Variants in NPHP3 observed in about 807,000 individuals in gnomAD.
The protein encoded by NPHP3 is nephrocystin 3, also known as nephrocystin-3.
NPHP3 carries 123 observed loss-of-function variants against 171.9 expected under a neutral mutation model. The observed-to-expected ratio is 0.72, with a 90% CI of 0.62 to 0.83. The LOEUF is 0.83. NPHP3 is among the 40% of genes least tolerant of loss of function. The probability of loss-of-function intolerance (pLI) is 0.00; values close to 1 mark genes in which losing one functional copy is unlikely to be tolerated. For missense variants in NPHP3, 1,506 were observed against 1,591.9 expected, an observed-to-expected ratio of 0.95 and a Z score of 0.92; for synonymous variants, 558 against 579.2, an observed-to-expected ratio of 0.96 and a Z score of 0.52.
At chr3:132,695,706 G>A (rs1355478423) in intron 15 of NPHP3, among the ~76,000 whole-genome samples, 1 of 152,160 alleles carries the variant, frequency 6.6e-6, no homozygotes, top group East Asian at 1.9e-4. Context: ...AGGCTAAGCA[G>A]GTGGATTGCT....
chr3:132,683,357 TA>T, intron 25 of NPHP3, 41 bp downstream of exon 25: 1 of 1,573,572 alleles, frequency 6.4e-7, no homozygotes, highest in Non-Finnish European at 8.7e-7. Flanking sequence ...TTTTATACCA[TA>T]AAATCATTCA....
At position 132,682,685 on chromosome 3, in the gene NPHP3, AGT is replaced by A. The variant is rs771197022; in HGVS notation, c.3812+16_3812+17del. ...CGAATAAAAGAGGCTGTATAAGGAAAGTGAAAAAAATTCTTACCTAAGCACAG... is the reference window on the plus strand; with the variant it reads ...CGAATAAAAGAGGCTGTATAAGGAAAGAAAAAAATTCTTACCTAAGCACAG... On this transcript the variant is annotated intron_variant, in intron 26 of 26. Coordinates refer to ENST00000337331, the MANE Select transcript of NPHP3 (RefSeq NM_153240.5). 4 of 1,404,436 alleles carry A rather than the reference AGT, an allele frequency of 2.8e-6. No individual in the cohort carries two copies. Among genetic ancestry groups the A allele is most frequent in the Admixed American group, 1.7e-5 (1 of 59,776 alleles). The allele number at this position is 1,404,436 out of a possible 1,614,324, so 87.0% of individuals were successfully genotyped here. A position where few individuals can be genotyped will look rare whatever the true frequency, so the allele number is the denominator to read the frequency against.
intron 6 of NPHP3, among the ~76,000 whole-genome samples, chr3:132,712,610 C>T (rs1939942194): frequency 1.3e-5 from 2 of 151,900 alleles, no homozygotes; most frequent in Non-Finnish European, 2.9e-5. Context: ...ACCAAAAATA[C>T]AAAAAATTAG....
At chr3:132,710,835 T>G (rs917111275) in intron 6 of NPHP3, among the ~76,000 whole-genome samples, 1 of 152,110 alleles carries the variant, frequency 6.6e-6, no homozygotes, top group Non-Finnish European at 1.5e-5. Flanking sequence ...CTCCAGTCAG[T>G]AACACCGAGA....
intron 19 of NPHP3, among the ~76,000 whole-genome samples, chr3:132,690,277 T>A (rs1939266102): frequency 6.6e-6 from 1 of 152,196 alleles, no homozygotes; most frequent in African/African-American, 2.4e-5. Context: ...TGCTTAAATG[T>A]AAGCATAAGA....
chr3:132,700,382 CA>C lies in NPHP3; in HGVS notation c.1694del (p.Met565SerfsTer9). 2.5e-6 allele frequency: 4 copies of C among 1,613,614 alleles called. No individual in the cohort carries two copies. Among genetic ancestry groups the C allele is most frequent in the Non-Finnish European group, 3.4e-6 (4 of 1,179,574 alleles). Reference protein sequence around the residue: ...LILSHFVGRPMSTSSESSLII... With the variant: ...LILSHFVGRPXSTSSESSLII... The stretch of plus-strand genomic sequence containing the variant: ...TCAAGGAGGACTCTGAGCTGGTTGA[CA>C]TGGGCCTTCCCACAAAATGGGAAAG... On this transcript the variant is annotated frameshift_variant, in exon 11 of 27. Transcript: ENST00000337331. LOFTEE classifies it high-confidence loss of function.
intron 4 of NPHP3, among the ~76,000 whole-genome samples, chr3:132,715,533 G>A (rs939331261): frequency 1.3e-5 from 2 of 152,134 alleles, no homozygotes; most frequent in Non-Finnish European, 2.9e-5. Flanking sequence ...TTCCCAAGAG[G>A]ATTTATAGCT....
chr3:132,717,151 G>T lies in NPHP3; in HGVS notation c.671-242C>A, dbSNP rs554941921. On this transcript the variant is annotated intron_variant, in intron 3 of 26. Coordinates refer to ENST00000337331, the MANE Select transcript of NPHP3 (RefSeq NM_153240.5). ...AAAAGAGAAAGATGAAAATAAACAA[G>T]AATACAATAAAAAAGAAATCATAAT... 45 of 428,232 alleles carry T rather than the reference G, an allele frequency of 1.1e-4. 1 individual carries two copies. Among genetic ancestry groups the T allele is most frequent in the Middle Eastern group, 6.6e-4 (1 of 1,510 alleles). 26.5% of individuals were successfully genotyped at this position (428,232 alleles called of 1,614,324 possible). A position where few individuals can be genotyped will look rare whatever the true frequency, so the allele number is the denominator to read the frequency against.
chr3:132,711,462 TA>T (rs1295463538), intron 6 of NPHP3, among the ~76,000 whole-genome samples: 1 of 151,680 alleles, frequency 6.6e-6, no homozygotes, highest in Admixed American at 6.6e-5. Flanking sequence ...AAATATGAAA[TA>T]AATGGGGAGG....
rs201741442 is a variant in NPHP3 at position 132,694,896 on chromosome 3, T to C, written c.2241A>G (p.Leu747=). 6.2e-7 allele frequency: 1 copy of C among 1,613,752 alleles called. No individual in the cohort carries two copies. The highest frequency in any genetic ancestry group is 1.1e-5 in the South Asian group (1 of 91,070). The change falls in exon 16 of 27, where the codon TTA becomes TTG. Residue 747 remains leucine (L), a synonymous_variant. Transcript: ENST00000337331. ...QCFQCQDTLS[L]YRLVLHSIRE... ...GGATAGAGTGCAGAACAAGTCTATA[T>C]AATGAAAGAGTATCTTGACACTGGA... is the stretch of plus-strand genomic sequence containing the variant.
intron 6 of NPHP3, among the ~76,000 whole-genome samples, chr3:132,710,646 T>C (rs1238043582): frequency 6.6e-6 from 1 of 152,176 alleles, no homozygotes; most frequent in Non-Finnish European, 1.5e-5. Flanking sequence ...ATCTGGAATA[T>C]TCCTACTCAG....
At chr3:132,715,060 A>AT (rs1940013316) in intron 5 of NPHP3, 25 bp downstream of exon 5, 1 of 1,590,814 alleles carries the variant, frequency 6.3e-7, no homozygotes, top group African/African-American at 1.3e-5. Context: ...AAATTGGTTG[A>AT]TACAGAATTT....
At chr3:132,708,050 C>A (rs754593853) in intron 7 of NPHP3, 51 bp downstream of exon 7, 1 of 1,583,740 alleles carries the variant, frequency 6.3e-7, no homozygotes, top group South Asian at 1.1e-5. Context: ...GCCTTTGCTC[C>A]AGTTTTTCCC....
chr3:132,691,145 A>G (rs1301800915), intron 18 of NPHP3, 47 bp downstream of exon 18: 2 of 1,266,842 alleles, frequency 1.6e-6, no homozygotes, highest in Non-Finnish European at 2.3e-6. Flanking sequence ...ACACAAAGGT[A>G]GTGTGTTGCA....
intron 24 of NPHP3, 85 bp from the exon 25 acceptor site, chr3:132,683,609 A>G: frequency 9.0e-7 from 1 of 1,108,474 alleles, no homozygotes; most frequent in African/African-American, 1.6e-5. Context: ...AAAATTTCAT[A>G]TTAAAGGGTA....
intron 18 of NPHP3, among the ~76,000 whole-genome samples, chr3:132,690,968 A>G (rs527589896): frequency 6.6e-6 from 1 of 152,234 alleles, no homozygotes; most frequent in Non-Finnish European, 1.5e-5. Flanking sequence ...TAAAAATAAT[A>G]AAATGATCCT....
At chr3:132,697,854 G>A (rs1432527710) in intron 13 of NPHP3, among the ~76,000 whole-genome samples, 1 of 152,122 alleles carries the variant, frequency 6.6e-6, no homozygotes, top group Admixed American at 6.5e-5. Context: ...ATATACACAA[G>A]CTGATATACA....
chr3:132,718,118 C>A, intron 3 of NPHP3: 1 of 448,160 alleles, frequency 2.2e-6, no homozygotes, highest in Non-Finnish European at 4.5e-6. Flanking sequence ...TCCAATGATA[C>A]TACAATGAAA....
chr3:132,720,413 C>A (rs924956476), intron 1 of NPHP3, among the ~76,000 whole-genome samples: 1 of 152,172 alleles, frequency 6.6e-6, no homozygotes, highest in African/African-American at 2.4e-5. Flanking sequence ...TATTGCACTC[C>A]GCCCTGTTTG....
Sources: gnomAD v4.1 joint callset for allele counts (sites outside exome capture counted in the v4.1 genomes callset) on GRCh38, gnomAD v4.1.1 for gene constraint, MANE v1.5 for transcripts, NCBI Gene and HGNC (gene_info 2026-07-23, HGNC 2026-07-21) for gene names.